Variants in CILK1 observed in about 807,000 individuals in gnomAD.
The protein encoded by CILK1 is ciliogenesis associated kinase 1, also known as serine/threonine-protein kinase ICK.
CILK1 carries 47 observed loss-of-function variants against 79.2 expected under a neutral mutation model. That is an observed-to-expected ratio of 0.59 (90% CI 0.47 to 0.76). The LOEUF is 0.76. CILK1 is among the 30% of genes least tolerant of loss of function. The pLI, the probability that CILK1 is intolerant of heterozygous loss-of-function variation, is 0.00. For synonymous variants in CILK1, 266 were observed against 275.9 expected, an observed-to-expected ratio of 0.96 and a Z score of 0.36; for missense variants, 660 against 769.5, an observed-to-expected ratio of 0.86 and a Z score of 1.68.
chr6:53,044,527 T>C (rs1417327405), intron 1 of CILK1, among the ~76,000 whole-genome samples: 1 of 152,216 alleles, frequency 6.6e-6, no homozygotes, highest in East Asian at 1.9e-4. Context: ...GGCCATGATG[T>C]ATGCAATTTA....
At chr6:53,058,121 G>A (rs1034592104) in intron 1 of CILK1, among the ~76,000 whole-genome samples, 5 of 152,208 alleles carry the variant, frequency 3.3e-5, no homozygotes, top group Non-Finnish European at 5.9e-5. Context: ...TGCAAAGATA[G>A]TTCAGTTTCC....
In CILK1 at chr6:53,008,012, C is replaced by T. The variant is rs56300150; in HGVS notation, c.1621+1427G>A. Among the ~76,000 whole-genome samples the T allele has an allele frequency of 4.9e-3, 748 of 151,514 alleles. 4 individuals are homozygous for T. The highest frequency in any genetic ancestry group is 0.016 in the African/African-American group (665 of 41,400). On this transcript the variant is annotated intron_variant, in intron 12 of 13. Transcript: ENST00000676107. ...AAATAAAATGTTGACTCCTAGTTCTCGTACCCAGAGGAATCCTCACACATG... is the reference window on the plus strand; with the variant it reads ...AAATAAAATGTTGACTCCTAGTTCTTGTACCCAGAGGAATCCTCACACATG...
intron 5 of CILK1, among the ~76,000 whole-genome samples, chr6:53,028,917 T>A (rs1201947577): frequency 6.6e-6 from 1 of 152,158 alleles, no homozygotes; most frequent in African/African-American, 2.4e-5. Flanking sequence ...TGTCTGCATG[T>A]GTCTTGGGGT....
intron 12 of CILK1, among the ~76,000 whole-genome samples, chr6:53,007,958 AAAAT>A (rs1193156785): frequency 1.3e-5 from 2 of 150,848 alleles, no homozygotes; most frequent in African/African-American, 4.9e-5. Flanking sequence ...TAAATAAATA[AAAAT>A]AAATAAATAA....
intron 2 of CILK1, among the ~76,000 whole-genome samples, chr6:53,039,294 C>T (rs112238929): frequency 6.8e-4 from 103 of 152,294 alleles, no homozygotes; most frequent in Non-Finnish European, 6.5e-4. Flanking sequence ...GTGAACCTGA[C>T]GGGAGCAGTG....
chr6:53,043,393 G>A (rs1217215481), intron 1 of CILK1, among the ~76,000 whole-genome samples: 2 of 151,966 alleles, frequency 1.3e-5, no homozygotes, highest in Non-Finnish European at 2.9e-5. Flanking sequence ...CCGTGTGTGA[G>A]CTTGAAAAAT....
chr6:53,030,979 A>G (rs1009334327), intron 5 of CILK1, 86 bp downstream of exon 5: 2 of 939,952 alleles, frequency 2.1e-6, no homozygotes, highest in East Asian at 2.5e-5. Flanking sequence ...GGAGTCAGCT[A>G]CAAAAAATAT....
chr6:53,013,715 C>T lies in CILK1; in HGVS notation c.1099G>A (p.Asp367Asn), dbSNP rs763532467. 3.7e-6 allele frequency: 6 copies of T among 1,614,150 alleles called. No homozygotes were observed. In the South Asian group the frequency reaches 4.4e-5, roughly 12 times the overall value. ...GGGAAAAGCAACGGGCTTGGCTTGT[C>T]CTCCTGGAGATGGCTTGGGTGATCT... The part of the protein sequence containing the change: ...RTDHPSHLQE[D>N]KPSPLLFPSL... Residue 367 changes from aspartate to asparagine, a missense_variant, in exon 9 of 14, where the codon GAC becomes AAC. Asp to Asn is a conservative substitution (Grantham distance 23). Coordinates refer to ENST00000676107, the MANE Select transcript of CILK1 (RefSeq NM_014920.5).
chr6:53,011,619 G>C (rs1315245787), intron 11 of CILK1, 150 bp downstream of exon 11: 1 of 847,464 alleles, frequency 1.2e-6, no homozygotes, highest in African/African-American at 1.7e-5. Flanking sequence ...TGAGGCTTGG[G>C]CTTCAGCAAA....
rs1299048480 is a variant in CILK1 at position 53,018,402 on chromosome 6, C to G, written c.591G>C (p.Arg197Ser). Residue 197 changes from arginine (R) to serine (S), a missense_variant, in exon 7 of 14, where the codon AGG becomes AGC. By Grantham distance (110) the Arg-to-Ser change is moderately radical. Transcript: ENST00000676107. ...GCIMAEVYTL[R>S]PLFPGASEID... ...TTTCACTGGCTCCAGGGAAGAGTGG[C>G]CTGAGGGTGTAAACTTCTGCCATGA... 6.2e-7 allele frequency: 1 copy of G among 1,613,990 alleles called. No individual in the cohort carries two copies. The highest frequency in any genetic ancestry group is 1.1e-5 in the South Asian group (1 of 91,080).
intron 12 of CILK1, among the ~76,000 whole-genome samples, chr6:53,008,576 C>A (rs1257149215): frequency 6.6e-6 from 1 of 152,018 alleles, no homozygotes; most frequent in Admixed American, 6.6e-5. Flanking sequence ...AGGCCTGCTG[C>A]CACCATGCCT....
intron 12 of CILK1, among the ~76,000 whole-genome samples, chr6:53,006,905 G>C (rs542046742): frequency 6.6e-5 from 10 of 152,196 alleles, no homozygotes; most frequent in African/African-American, 2.4e-4. Context: ...GCTGTGACAA[G>C]TAATTACACA....
chr6:53,058,676 C>T (rs919077860), intron 1 of CILK1, among the ~76,000 whole-genome samples: 6 of 152,070 alleles, frequency 3.9e-5, no homozygotes, highest in South Asian at 2.1e-4. Flanking sequence ...CATCAAAGAC[C>T]ACAGGTGAAA....
chr6:53,017,062 A>T (rs1764933000), intron 7 of CILK1, among the ~76,000 whole-genome samples: 1 of 152,252 alleles, frequency 6.6e-6, no homozygotes, highest in Admixed American at 6.5e-5. Flanking sequence ...AAGAGCATTT[A>T]TTTAAAAATG....
At chr6:53,028,408 C>A (rs1765717057) in intron 5 of CILK1, among the ~76,000 whole-genome samples, 1 of 152,188 alleles carries the variant, frequency 6.6e-6, no homozygotes, top group Admixed American at 6.5e-5. Context: ...TCAAGCATGG[C>A]AAACAGGCAT....
intron 2 of CILK1, among the ~76,000 whole-genome samples, chr6:53,040,511 A>G (rs1055955023): frequency 6.6e-6 from 1 of 152,222 alleles, no homozygotes. Flanking sequence ...TGAGCTCAGA[A>G]GTGGATTCTT....
chr6:53,007,187 A>C lies in CILK1; in HGVS notation c.1622-750T>G, dbSNP rs115004798. ...ATTATTGCCCGTTATAGAAATGGAA[A>C]TTCTAACCATTAAGAAAAGTCAGTA... On this transcript the variant is annotated intron_variant, in intron 12 of 13. Coordinates refer to ENST00000676107, the MANE Select transcript of CILK1 (RefSeq NM_014920.5). Among the ~76,000 whole-genome samples the C allele has an allele frequency of 3.8e-3, 575 of 152,366 alleles. 2 individuals carry two copies. The highest frequency in any genetic ancestry group is 0.013 in the African/African-American group (557 of 41,592).
At chr6:53,022,443 T>C (rs577083957) in intron 5 of CILK1, among the ~76,000 whole-genome samples, 1 of 152,348 alleles carries the variant, frequency 6.6e-6, no homozygotes, top group Non-Finnish European at 1.5e-5. Flanking sequence ...TAGTATTCAG[T>C]ACAGTAACAT....
chr6:53,021,369 CT>C (rs2127423388), intron 5 of CILK1, among the ~76,000 whole-genome samples: 1 of 152,244 alleles, frequency 6.6e-6, no homozygotes, highest in South Asian at 2.1e-4. Context: ...ATATCTGTCT[CT>C]TTCTACTTTC....
Sources: allele counts gnomAD v4.1 joint callset (sites outside exome capture counted in the v4.1 genomes callset), GRCh38; gene constraint gnomAD v4.1.1; transcripts MANE v1.5; gene names NCBI Gene and HGNC (gene_info 2026-07-23, HGNC 2026-07-21).